PCDH11X: variants seen among roughly 807,000 people sequenced by gnomAD.
The protein encoded by PCDH11X is protocadherin-11 X-linked.
PCDH11X carries 18 observed loss-of-function variants against 53.3 expected under a neutral mutation model. That is an observed-to-expected ratio of 0.34 (90% CI 0.23 to 0.50). The LOEUF is 0.50. PCDH11X is among the 20% of genes least tolerant of loss of function. PCDH11X has a pLI of 0.98. For synonymous variants in PCDH11X, 279 were observed against 393.3 expected (o/e 0.71, Z 3.44); for missense variants, 570 against 1,032.4 (o/e 0.55, Z 6.14).
intron 6 of PCDH11X, among the ~76,000 whole-genome samples, chrX:91,936,600 T>C (rs1451302592): frequency 9.4e-6 from 1 of 106,331 alleles, no homozygotes; most frequent in African/African-American, 3.4e-5. Context: ...AATGGTTCCT[T>C]GCCTAAAATA....
intron 10 of PCDH11X, among the ~76,000 whole-genome samples, chrX:92,511,571 T>C (rs1449389746): frequency 8.9e-6 from 1 of 111,792 alleles, no homozygotes; most frequent in Non-Finnish European, 1.9e-5. Context: ...TTATTGATTG[T>C]AGCTATTGTT....
chrX:91,853,865 TTTTC>T (rs1434187204), intron 5 of PCDH11X, among the ~76,000 whole-genome samples: 1 of 111,459 alleles, frequency 9.0e-6, no homozygotes, highest in Non-Finnish European at 1.9e-5. Flanking sequence ...CTTTTTTCTT[TTTTC>T]TTTTTAATTT....
chrX:92,553,195 G>A (rs1261452920), intron 10 of PCDH11X, among the ~76,000 whole-genome samples: 53 of 90,797 alleles, frequency 5.8e-4, no homozygotes, highest in African/African-American at 1.9e-3. Flanking sequence ...TGAAGTCGTC[G>A]GGTCTCGGGC....
At chrX:92,269,745 C>T (rs903784915) in intron 8 of PCDH11X, among the ~76,000 whole-genome samples, 1 of 111,623 alleles carries the variant, frequency 9.0e-6, no homozygotes, top group Non-Finnish European at 1.9e-5. Flanking sequence ...CCCCTTAAGT[C>T]AGCTACCCTT....
At chrX:91,918,971 A>T (rs1163074413) in intron 6 of PCDH11X, among the ~76,000 whole-genome samples, 1 of 111,358 alleles carries the variant, frequency 9.0e-6, no homozygotes, top group Non-Finnish European at 1.9e-5. Flanking sequence ...TCTAGCTAGG[A>T]TGTCACCCAC....
intron 10 of PCDH11X, among the ~76,000 whole-genome samples, chrX:92,484,332 C>T (rs187848037): frequency 0.019 from 1,914 of 101,486 alleles, 38 homozygotes; most frequent in African/African-American, 0.062. Flanking sequence ...TATGCTAGAT[C>T]GAATGGTACA....
At chrX:91,786,085 A>G (rs971660815) in intron 1 of PCDH11X, among the ~76,000 whole-genome samples, 2 of 112,023 alleles carry the variant, frequency 1.8e-5, no homozygotes, top group Non-Finnish European at 3.8e-5. Context: ...CTTGCCAGAA[A>G]TTATAGATGT....
intron 5 of PCDH11X, among the ~76,000 whole-genome samples, chrX:91,875,939 T>A (rs2524540): frequency 6.4e-5 from 7 of 109,114 alleles, no homozygotes; most frequent in Non-Finnish European, 9.5e-5. Flanking sequence ...ATTTTTATTT[T>A]GGTGCTTACT....
In PCDH11X at chrX:91,826,495, A is replaced by G. The variant is rs866851068; in HGVS notation, c.-44-8966A>G. Among the ~76,000 whole-genome samples the G allele has an allele frequency of 3.5e-3, 299 of 85,967 alleles. 1 individual carries two copies. The highest frequency in any genetic ancestry group is 0.013 in the African/African-American group (287 of 21,939). The allele number at this position is 85,967 out of a possible 115,157, so 74.7% of individuals were successfully genotyped here. ...ACTTTTATTTTAGGTTCAGGTATGC[A>G]TGTGCGGGTTTGTTATATAGGTAAA... is the stretch of plus-strand genomic sequence containing the variant. On this transcript the variant is annotated intron_variant, in intron 4 of 10. Transcript: ENST00000682573.
At chrX:91,791,558 G>A (rs1368961096) in intron 1 of PCDH11X, among the ~76,000 whole-genome samples, 3 of 109,234 alleles carry the variant, frequency 2.7e-5, no homozygotes, top group Non-Finnish European at 5.7e-5. Context: ...TCAACACTGG[G>A]GATTAAAACT....
intron 10 of PCDH11X, among the ~76,000 whole-genome samples, chrX:92,584,119 A>G (rs186387990): frequency 2.0e-3 from 223 of 111,008 alleles, no homozygotes; most frequent in African/African-American, 6.9e-3. Context: ...ATGGGATGCA[A>G]CTAACTAAAA....
intron 8 of PCDH11X, among the ~76,000 whole-genome samples, chrX:92,272,030 G>GT (rs1196156427): frequency 1.1e-4 from 12 of 111,866 alleles, no homozygotes; most frequent in Admixed American, 1.9e-4. Flanking sequence ...TATCTTTTCT[G>GT]TTTTTATGAC....
intron 6 of PCDH11X, among the ~76,000 whole-genome samples, chrX:92,013,928 A>T (rs866910863): frequency 9.0e-6 from 1 of 111,566 alleles, no homozygotes; most frequent in Non-Finnish European, 1.9e-5. Flanking sequence ...ACCATAAAAA[A>T]CCTAGAAGAA....
intron 10 of PCDH11X, among the ~76,000 whole-genome samples, chrX:92,571,008 A>G (rs1922149297): frequency 8.9e-6 from 1 of 112,363 alleles, no homozygotes; most frequent in Non-Finnish European, 1.9e-5. Context: ...TTGTAAAGAT[A>G]AAGAATATCT....
rs372591723 is a variant in PCDH11X, at chrX:91,781,944, A to G, written c.-379+2260A>G. Among the ~76,000 whole-genome samples, 113 of 112,157 alleles carry G rather than the reference A, an allele frequency of 1.0e-3. 4 individuals are homozygous for G. In the East Asian group the frequency reaches 0.023, roughly 23 times the overall value. On this transcript the variant is annotated intron_variant, in intron 1 of 10. Coordinates refer to ENST00000682573, the MANE Select transcript of PCDH11X (RefSeq NM_032968.5). The stretch of plus-strand genomic sequence containing the variant: ...AGCTGCCAGGTCGCCACACTCGCCA[A>G]GCGGCGAGGGAGCGCCTTTGCCTAC...
chrX:91,931,930 A>G (rs2061390373), intron 6 of PCDH11X, among the ~76,000 whole-genome samples: 1 of 111,186 alleles, frequency 9.0e-6, no homozygotes, highest in South Asian at 3.8e-4. Context: ...CTCATTACCT[A>G]GGTATGAAGC....
chrX:91,835,947 T>C lies in PCDH11X; in HGVS notation c.443T>C (p.Ile148Thr). ...LFPATVINIS[I>T]PENSAINSKY... ...CCAGCAACAGTTATCAACATATCAA[T>C]TCCAGAGAACTCGGCTATAAACTCT... is the stretch of plus-strand genomic sequence containing the variant. The change falls in exon 5 of 11, where the codon ATT becomes ACT. Residue 148 changes from isoleucine (I) to threonine (T), a missense_variant. Ile to Thr is a moderately conservative substitution (Grantham distance 89). Transcript: ENST00000682573. 1 of 1,210,577 alleles carries C rather than the reference T, an allele frequency of 8.3e-7. No individual in the cohort carries two copies. Among genetic ancestry groups the C allele is most frequent in the Non-Finnish European group, 1.1e-6 (1 of 895,112 alleles).
intron 6 of PCDH11X, among the ~76,000 whole-genome samples, chrX:92,081,930 G>C (rs2063863602): frequency 9.0e-6 from 1 of 111,086 alleles, no homozygotes; most frequent in Admixed American, 9.6e-5. Flanking sequence ...CTTTATTACA[G>C]AAAATTAAAG....
chrX:92,306,768 C>T (rs889038138), intron 8 of PCDH11X, among the ~76,000 whole-genome samples: 10 of 111,014 alleles, frequency 9.0e-5, no homozygotes, highest in East Asian at 2.8e-4. Context: ...GGTGAAACCC[C>T]GTCTCTACTA....
Sources: allele counts gnomAD v4.1 joint callset (sites outside exome capture counted in the v4.1 genomes callset), GRCh38; gene constraint gnomAD v4.1.1; transcripts MANE v1.5; gene names NCBI Gene and HGNC (gene_info 2026-07-23, HGNC 2026-07-21).